Variants in NSMCE1 observed in about 807,000 individuals in gnomAD.
NSMCE1 encodes the protein non-structural maintenance of chromosomes element 1 homolog.
A neutral mutation model predicts 29.6 loss-of-function variants in NSMCE1; 18 were observed. That is an observed-to-expected ratio of 0.61 (90% CI 0.42 to 0.90). The LOEUF is 0.90. Ranked by LOEUF, NSMCE1 falls within the 40% of genes least tolerant of loss-of-function variation. NSMCE1 has a pLI of 0.00. For missense variants in NSMCE1, 314 were observed against 343.6 expected (o/e 0.91, Z 0.68); for synonymous variants, 124 against 133.4 (o/e 0.93, Z 0.49).
intron 2 of NSMCE1, among the ~76,000 whole-genome samples, chr16:27,248,537 A>G (rs1010372420): frequency 6.7e-6 from 1 of 150,052 alleles, no homozygotes; most frequent in African/African-American, 2.5e-5. Flanking sequence ...CAGCCTCCCA[A>G]GTAGCTGGGA....
chr16:27,252,649 T>G (rs1465059737), intron 2 of NSMCE1, among the ~76,000 whole-genome samples: 4 of 152,138 alleles, frequency 2.6e-5, no homozygotes, highest in Non-Finnish European at 5.9e-5. Context: ...CCGGGCGCGG[T>G]GGCTCATGCC....
At chr16:27,263,712 A>G (rs2084188885) in intron 1 of NSMCE1, among the ~76,000 whole-genome samples, 1 of 152,260 alleles carries the variant, frequency 6.6e-6, no homozygotes, top group African/African-American at 2.4e-5. Context: ...AAAAAAGCAT[A>G]TGATCATCTT....
At chr16:27,236,997 G>A (rs903792279) in intron 2 of NSMCE1, among the ~76,000 whole-genome samples, 1 of 152,146 alleles carries the variant, frequency 6.6e-6, no homozygotes, top group African/African-American at 2.4e-5. Context: ...AATGGAGGAT[G>A]TGGCCGTGTG....
chr16:27,228,507 G>GA, intron 5 of NSMCE1, among the ~76,000 whole-genome samples: 2 of 146,980 alleles, frequency 1.4e-5, no homozygotes, highest in East Asian at 2.0e-4. Context: ...CTCCCCTCCA[G>GA]ATCCATCACG....
intron 2 of NSMCE1, among the ~76,000 whole-genome samples, chr16:27,254,099 G>C (rs2084060906): frequency 6.6e-6 from 1 of 152,116 alleles, no homozygotes; most frequent in African/African-American, 2.4e-5. Flanking sequence ...TTTCTATTTG[G>C]TACAAGGGGA....
chr16:27,233,015 T>C lies in NSMCE1; in HGVS notation c.469A>G (p.Lys157Glu), dbSNP rs1034045763. 1 of 1,614,100 alleles carries C rather than the reference T, an allele frequency of 6.2e-7. No individual in the cohort carries two copies. The highest frequency in any genetic ancestry group is 8.5e-7 in the Non-Finnish European group (1 of 1,179,998). The change falls in exon 5 of 8, where the codon AAG becomes GAG. Residue 157 changes from lysine (K) to glutamate (E), a missense_variant. Physicochemically the swap from Lys to Glu is moderately conservative, Grantham distance 56. Coordinates refer to ENST00000361439, the MANE Select transcript of NSMCE1 (RefSeq NM_145080.4). ...TGAGACAGTACCTCAATCAGCCACT[T>C]GTTTTGAACAAACTTCTGCAGCACC... Reference protein sequence around the residue: ...EQVLQKFVQNKWLIEKEGEFT... With the variant: ...EQVLQKFVQNEWLIEKEGEFT...
intron 2 of NSMCE1, among the ~76,000 whole-genome samples, chr16:27,245,009 C>A (rs770125505): frequency 7.2e-5 from 11 of 152,188 alleles, no homozygotes; most frequent in Non-Finnish European, 1.3e-4. Context: ...CATACCAGCA[C>A]CATGGGTCTT....
intron 1 of NSMCE1, among the ~76,000 whole-genome samples, chr16:27,263,974 A>G (rs896049150): frequency 1.3e-5 from 2 of 152,214 alleles, no homozygotes; most frequent in Non-Finnish European, 2.9e-5. Flanking sequence ...TGACAAGATG[A>G]TTCTAAAAAT....
At chr16:27,235,155 A>AGT (rs1349286496) in intron 3 of NSMCE1, 23 bp downstream of exon 3, 2 of 1,610,466 alleles carry the variant, frequency 1.2e-6, no homozygotes, top group Non-Finnish European at 1.7e-6. Context: ...AAATGCCACT[A>AGT]GAGGGCTCTG....
At chr16:27,262,550 C>A (rs2084171012) in intron 1 of NSMCE1, among the ~76,000 whole-genome samples, 1 of 152,130 alleles carries the variant, frequency 6.6e-6, no homozygotes, top group African/African-American at 2.4e-5. Flanking sequence ...TATGTGAAGA[C>A]TGAGGCTGGA....
intron 1 of NSMCE1, among the ~76,000 whole-genome samples, chr16:27,261,676 C>T (rs1412748865): frequency 6.6e-6 from 1 of 152,096 alleles, no homozygotes; most frequent in Non-Finnish European, 1.5e-5. Flanking sequence ...ACAATCGCAG[C>T]GCCAGAAAAA....
chr16:27,254,528 G>C (rs1281353233), intron 2 of NSMCE1, among the ~76,000 whole-genome samples: 1 of 152,016 alleles, frequency 6.6e-6, no homozygotes, highest in African/African-American at 2.4e-5. Context: ...ACTCACAGGA[G>C]AAAAAAAGAG....
chr16:27,248,827 C>T lies in NSMCE1; in HGVS notation c.136+8608G>A, dbSNP rs533782757. ...ACTTCTTACTGGGTTGTATGTTTTT[C>T]CTTTTCCTTTTCTTTTTTTGAGACA... On this transcript the variant is annotated intron_variant, in intron 2 of 7. Transcript: ENST00000361439. Among the ~76,000 whole-genome samples the T allele has an allele frequency of 5.3e-5, 8 of 151,936 alleles. No homozygotes were observed. The South Asian group carries it at 1.7e-3, about 32-fold the overall frequency.
chr16:27,244,749 A>G (rs1306516283), intron 2 of NSMCE1, among the ~76,000 whole-genome samples: 1 of 152,224 alleles, frequency 6.6e-6, no homozygotes, highest in Non-Finnish European at 1.5e-5. Context: ...TTAGCACCCC[A>G]AACTACCACA....
chr16:27,259,530 T>C (rs949475187), intron 1 of NSMCE1, among the ~76,000 whole-genome samples: 3 of 152,154 alleles, frequency 2.0e-5, no homozygotes, highest in African/African-American at 7.2e-5. Flanking sequence ...GTTGCCTAGC[T>C]GTGTTTTAGG....
intron 2 of NSMCE1, among the ~76,000 whole-genome samples, chr16:27,252,736 T>C (rs1367508898): frequency 2.6e-5 from 4 of 152,016 alleles, no homozygotes; most frequent in Non-Finnish European, 5.9e-5. Context: ...CTGGCCAACA[T>C]GGTGAAACCC....
At chr16:27,262,370 A>G (rs565209708) in intron 1 of NSMCE1, among the ~76,000 whole-genome samples, 1 of 152,324 alleles carries the variant, frequency 6.6e-6, no homozygotes, top group East Asian at 1.9e-4. Context: ...AGGGCTAAAC[A>G]GCATGGTGCT....
chr16:27,235,390 G>C (rs1567274685), intron 2 of NSMCE1, 91 bp from the exon 3 acceptor site: 1 of 1,415,016 alleles, frequency 7.1e-7, no homozygotes, highest in Non-Finnish European at 9.8e-7. Context: ...CCATCTCAAC[G>C]CAGGGGACAG....
rs142686377 is a variant in NSMCE1 at position 27,258,802 on chromosome 16, G to A, written c.-11-1221C>T. ...GTCTCACTCTGTTGCCCAGGCTGGA[G>A]TGCAGTGGCGTGATCTCGGCTCACT... On this transcript the variant is annotated intron_variant, in intron 1 of 7. Coordinates refer to ENST00000361439, the MANE Select transcript of NSMCE1 (RefSeq NM_145080.4). 7.1e-3 allele frequency among the ~76,000 whole-genome samples: 1,074 copies of A among 151,668 alleles called. 7 individuals carry two copies. The highest frequency in any genetic ancestry group is 0.01 in the Non-Finnish European group (708 of 67,920).
Sources: gnomAD v4.1 joint callset for allele counts (sites outside exome capture counted in the v4.1 genomes callset) on GRCh38, gnomAD v4.1.1 for gene constraint, MANE v1.5 for transcripts, NCBI Gene and HGNC (gene_info 2026-07-23, HGNC 2026-07-21) for gene names.